The following POLE variants were observed in gnomAD, a reference collection of about 807,000 sequenced individuals.
POLE encodes the protein DNA polymerase epsilon catalytic subunit A.
In POLE, 188 loss-of-function variants were observed where a neutral mutation model predicts 279.2. That is an observed-to-expected ratio of 0.67 (90% CI 0.60 to 0.76). The LOEUF (loss-of-function observed/expected upper bound fraction) is 0.76. POLE is among the 30% of genes least tolerant of loss of function. POLE has a pLI of 0.00. For missense variants in POLE, 2,703 were observed against 3,016.7 expected (o/e 0.90, Z 2.44); for synonymous variants, 1,214 against 1,172.5 (o/e 1.04, Z -0.72).
chr12:132,654,155 G>C (rs1362016540), intron 29 of POLE, among the ~76,000 whole-genome samples: 1 of 151,246 alleles, frequency 6.6e-6, no homozygotes, highest in Non-Finnish European at 1.5e-5. Flanking sequence ...GTTACCAAAT[G>C]AGCTAAGGGT....
At chr12:132,679,404 C>A (rs773539547) in intron 6 of POLE, 93 bp downstream of exon 6, 26 of 1,251,684 alleles carry the variant, frequency 2.1e-5, no homozygotes, top group Non-Finnish European at 2.7e-5. Flanking sequence ...ACAGAGCCAG[C>A]CATTAAGGTA....
At chr12:132,677,167 C>T (rs182244326) in intron 8 of POLE, among the ~76,000 whole-genome samples, 196 bp downstream of exon 8, 102 of 152,258 alleles carry the variant, frequency 6.7e-4, no homozygotes, top group Middle Eastern at 3.4e-3. Context: ...TGATGTCATA[C>T]AGTGATATAC....
Position 132,639,159 on chromosome 12 carries a change from T to C in POLE, c.5518A>G (p.Thr1840Ala), listed in dbSNP as rs2042091427. 1 of 1,613,956 alleles carries C rather than the reference T, an allele frequency of 6.2e-7. No individual in the cohort carries two copies. Among genetic ancestry groups the C allele is most frequent in the Non-Finnish European group, 8.5e-7 (1 of 1,179,998 alleles). ...SLLHDPALHR[T>A]LHNMMKKLFL... is the part of the protein sequence containing the mutation. ...AGCTTCTTCATCATGTTGTGGAGTG[T>C]GCGGTGCAGGGCAGGGTCATGAAGC... The change falls in exon 40 of 49, where the codon ACA (threonine) becomes GCA (alanine). Residue 1840 changes from threonine to alanine, a missense_variant. Thr to Ala is a moderately conservative substitution (Grantham distance 58). Coordinates refer to ENST00000320574, the MANE Select transcript of POLE (RefSeq NM_006231.4). The surrounding 1 kb of genome is among the most constrained non-coding windows in gnomAD (Gnocchi z 4.7).
chr12:132,637,480 A>C (rs1035464775), intron 41 of POLE, among the ~76,000 whole-genome samples: 1 of 152,222 alleles, frequency 6.6e-6, no homozygotes, highest in Non-Finnish European at 1.5e-5. Flanking sequence ...TCTTCTATTT[A>C]GATTTAAATA....
chr12:132,628,221 A>T (rs1401395399), intron 45 of POLE, among the ~76,000 whole-genome samples: 1 of 152,180 alleles, frequency 6.6e-6, no homozygotes, highest in East Asian at 1.9e-4. Context: ...GCTTGCCTGT[A>T]GTCCCAGCTA....
intron 33 of POLE, 64 bp downstream of exon 33, chr12:132,643,773 T>A (rs2138556885): frequency 6.3e-7 from 1 of 1,574,834 alleles, no homozygotes; most frequent in Non-Finnish European, 8.7e-7. Flanking sequence ...TGGGCGGGTT[T>A]CTTTCCTCCA....
In POLE at chr12:132,626,261, C is replaced by T. The variant is rs2138432077; in HGVS notation, c.6387G>A (p.Leu2129=). The T allele has an allele frequency of 6.2e-7, 1 of 1,613,916 alleles. No homozygotes were observed. Among genetic ancestry groups the T allele is most frequent in the Non-Finnish European group, 8.5e-7 (1 of 1,180,034 alleles). Residue 2129 remains leucine (L), a synonymous_variant, in exon 46 of 49, where the codon CTG becomes CTA. Coordinates refer to ENST00000320574, the MANE Select transcript of POLE (RefSeq NM_006231.4). ...TNQVNKLNRD[L]LRLVDVGEFS... ...ACTCGCCGACATCCACCAGGCGAAGCAGGTCTCGGTTCAGCTTATTCACCT... is the reference window on the plus strand; with the variant it reads ...ACTCGCCGACATCCACCAGGCGAAGTAGGTCTCGGTTCAGCTTATTCACCT...
At chr12:132,660,723 C>T (rs180847410) in intron 25 of POLE, 6 of 332,374 alleles carry the variant, frequency 1.8e-5, no homozygotes, top group East Asian at 4.6e-5. Context: ...ACCACAGGCA[C>T]GCATCACCAT....
intron 47 of POLE, 159 bp downstream of exon 47, chr12:132,625,486 C>G: frequency 2.1e-6 from 2 of 931,966 alleles, no homozygotes; most frequent in South Asian, 1.3e-5. Context: ...GTGGACAGAA[C>G]AGTCCATCAG....
chr12:132,633,045 C>CT (rs1194300258), intron 43 of POLE: 15 of 411,896 alleles, frequency 3.6e-5, no homozygotes, highest in Non-Finnish European at 5.6e-5. Context: ...GCCATGTACA[C>CT]TAAGCCTCTC....
At chr12:132,641,217 G>A in intron 39 of POLE, 1 of 384,000 alleles carries the variant, frequency 2.6e-6, no homozygotes, top group Non-Finnish European at 5.2e-6. Flanking sequence ...GCGAGTAGCT[G>A]CCCTCAACCA....
intron 9 of POLE, 45 bp downstream of exon 9, chr12:132,676,501 A>G: frequency 8.6e-7 from 1 of 1,158,656 alleles, no homozygotes; most frequent in Non-Finnish European, 1.3e-6. Context: ...GGACCAGACA[A>G]GGTCCCCATC....
At chr12:132,629,317 C>G (rs771885602) in intron 45 of POLE, among the ~76,000 whole-genome samples, 4 of 152,228 alleles carry the variant, frequency 2.6e-5, no homozygotes, top group African/African-American at 9.6e-5. Flanking sequence ...CAAGAGTCAG[C>G]CTTTCCTCTG....
At chr12:132,654,487 C>A (rs550112582) in intron 29 of POLE, among the ~76,000 whole-genome samples, 82 of 152,312 alleles carry the variant, frequency 5.4e-4, no homozygotes, top group African/African-American at 1.9e-3. Context: ...TGTTTTCCAA[C>A]TGTTTAGCAG....
rs2138427545 is a variant in POLE, at chr12:132,625,675, C to T, written c.6627G>A (p.Lys2209=). 8 of 1,613,826 alleles carry T rather than the reference C, an allele frequency of 5.0e-6. No homozygotes were observed. The highest frequency in any genetic ancestry group is 6.8e-6 in the Non-Finnish European group (8 of 1,180,036). Residue 2209 remains lysine (K), a synonymous_variant, in exon 47 of 49, where the codon AAG becomes AAA. Transcript: ENST00000320574. ...IEMTLVEVLQ[K]KLMAFTLQDL... ...CCTGCAGGGTGAAGGCCATCAGCTTCTTCTGTAGAACTTCCACCAGCGTCA... is the reference window on the plus strand; with the variant it reads ...CCTGCAGGGTGAAGGCCATCAGCTTTTTCTGTAGAACTTCCACCAGCGTCA...
intron 42 of POLE, 122 bp downstream of exon 42, chr12:132,635,770 A>T: frequency 1.1e-6 from 1 of 934,932 alleles, no homozygotes; most frequent in Non-Finnish European, 1.6e-6. Flanking sequence ...TGAGGGCAGG[A>T]TGCGGGTGCA....
rs780635663 is a variant in POLE at position 132,632,382 on chromosome 12, G to A, written c.6263C>T (p.Pro2088Leu). 3 of 1,614,154 alleles carry A rather than the reference G, an allele frequency of 1.9e-6. No individual in the cohort carries two copies. The highest frequency in any genetic ancestry group is 4.5e-5 in the East Asian group (2 of 44,882). Residue 2088 changes from proline (P) to leucine (L), a missense_variant, in exon 45 of 49, where the codon CCT becomes CTT. This residue lies in a region of POLE where 1,551 missense variants were observed against 1,686.1 expected (regional missense o/e 0.92). Coordinates refer to ENST00000320574, the MANE Select transcript of POLE (RefSeq NM_006231.4). ...CAGCAAGTGGGAACCGGGGAGGACA[G>A]GAAACATCTCTGAGAGCTCAGTGGA... The part of the protein sequence containing the change: ...RNSTELSEMF[P>L]VLPGSHLLLN...
chr12:132,625,810 T>G (rs757186572), intron 46 of POLE, 40 bp from the exon 47 acceptor site: 3 of 1,597,660 alleles, frequency 1.9e-6, no homozygotes, highest in Non-Finnish European at 2.6e-6. Context: ...CAGCCCAGCC[T>G]CCAGACCACA....
At chr12:132,678,488 G>A (rs1234268968) in intron 6 of POLE, among the ~76,000 whole-genome samples, 3 of 150,174 alleles carry the variant, frequency 2.0e-5, no homozygotes, top group African/African-American at 7.4e-5. Context: ...GAGGTGAAAG[G>A]ATCGCTTGAG....
Sources: gnomAD v4.1 joint callset for allele counts (sites outside exome capture counted in the v4.1 genomes callset) on GRCh38, gnomAD v4.1.1 for gene constraint, gnomAD v4.1.1 regional missense constraint, Gnocchi (gnomAD v3.1) non-coding constraint, MANE v1.5 for transcripts, NCBI Gene and HGNC (gene_info 2026-07-23, HGNC 2026-07-21) for gene names.